The following RIC1 variants were observed in gnomAD, a reference collection of about 807,000 sequenced individuals.
RIC1 encodes the protein guanine nucleotide exchange factor subunit RIC1.
RIC1 carries 88 observed loss-of-function variants against 169.0 expected under a neutral mutation model. That is an observed-to-expected ratio of 0.52 (90% CI 0.44 to 0.62). RIC1 has a LOEUF of 0.62. Among genes scored for constraint, RIC1 ranks in the 20% least tolerant of loss-of-function variants. The pLI is 0.00. For missense variants in RIC1, 1,877 were observed against 1,725.5 expected (o/e 1.09, Z -1.56); for synonymous variants, 790 against 601.5 (o/e 1.31, Z -4.59).
chr9:5,670,881 T>A (rs1176202146), intron 2 of RIC1, among the ~76,000 whole-genome samples: 1 of 152,100 alleles, frequency 6.6e-6, no homozygotes, highest in African/African-American at 2.4e-5. Context: ...TGCTGCTGAT[T>A]GGTTAGGGAG....
At chr9:5,651,879 T>C (rs1818820811) in intron 1 of RIC1, among the ~76,000 whole-genome samples, 1 of 152,172 alleles carries the variant, frequency 6.6e-6, no homozygotes, top group Non-Finnish European at 1.5e-5. Context: ...CTTTAATCTA[T>C]TTTGAAATGA....
At chr9:5,760,041 T>C (rs1826235360) in intron 17 of RIC1, among the ~76,000 whole-genome samples, 1 of 152,172 alleles carries the variant, frequency 6.6e-6, no homozygotes, top group Non-Finnish European at 1.5e-5. Context: ...AAGTTAAAAT[T>C]GACTGATTAC....
intron 1 of RIC1, among the ~76,000 whole-genome samples, chr9:5,633,079 AT>A (rs1302516965): frequency 6.6e-6 from 1 of 152,230 alleles, no homozygotes; most frequent in Non-Finnish European, 1.5e-5. Flanking sequence ...TAGGTAGCTA[AT>A]AAAAAGCTGA....
intron 1 of RIC1, among the ~76,000 whole-genome samples, chr9:5,648,044 G>C (rs1158619449): frequency 1.3e-5 from 2 of 151,798 alleles, no homozygotes; most frequent in Non-Finnish European, 2.9e-5. Flanking sequence ...GTGCAATGGT[G>C]TGATCTCGGC....
intron 1 of RIC1, among the ~76,000 whole-genome samples, chr9:5,652,565 C>G (rs898047043): frequency 6.6e-6 from 1 of 152,066 alleles, no homozygotes; most frequent in African/African-American, 2.4e-5. Context: ...TATTCTACAA[C>G]TTTACTGAAT....
intron 7 of RIC1, among the ~76,000 whole-genome samples, chr9:5,733,154 T>C (rs1432307910): frequency 6.6e-6 from 1 of 151,700 alleles, no homozygotes; most frequent in Non-Finnish European, 1.5e-5. Flanking sequence ...AACTCTTTCT[T>C]AAATAAAAAA....
At chr9:5,716,601 T>A (rs539433174) in intron 4 of RIC1, among the ~76,000 whole-genome samples, 1 of 152,260 alleles carries the variant, frequency 6.6e-6, no homozygotes, top group Non-Finnish European at 1.5e-5. Context: ...CAACAGAGAC[T>A]GTGTCTCAAA....
At position 5,714,007 on chromosome 9, in the gene RIC1, C is replaced by A; in HGVS notation, c.440+4C>A. 1 of 1,591,928 alleles carries A rather than the reference C, an allele frequency of 6.3e-7. No homozygotes were observed. Among genetic ancestry groups the A allele is most frequent in the Non-Finnish European group, 8.6e-7 (1 of 1,162,004 alleles). ...ATTTACAAGCACCCATCATGAGGTACAGTACTTTGGTTAAATTTGACATTG... is the reference window on the plus strand; with the variant it reads ...ATTTACAAGCACCCATCATGAGGTAAAGTACTTTGGTTAAATTTGACATTG... On this transcript the variant is annotated splice_donor_region_variant and intron_variant, in intron 4 of 25. Coordinates refer to ENST00000414202, the MANE Select transcript of RIC1 (RefSeq NM_020829.4).
intron 8 of RIC1, among the ~76,000 whole-genome samples, chr9:5,741,837 C>G (rs1825100152): frequency 6.6e-6 from 1 of 152,130 alleles, no homozygotes; most frequent in Non-Finnish European, 1.5e-5. Context: ...GGATTTTTGA[C>G]TGAGAGCCGA....
At chr9:5,706,818 T>C (rs543543234) in intron 3 of RIC1, among the ~76,000 whole-genome samples, 2 of 152,292 alleles carry the variant, frequency 1.3e-5, no homozygotes, top group African/African-American at 2.4e-5. Flanking sequence ...TTCAGACTTA[T>C]AAAGTCTTCT....
intron 2 of RIC1, 37 bp from the exon 3 acceptor site, chr9:5,689,918 CCTTA>C: frequency 7.6e-7 from 1 of 1,324,012 alleles, no homozygotes; most frequent in East Asian, 2.4e-5. Flanking sequence ...ACAGTTATAG[CCTTA>C]CTCTTTAATT....
At chr9:5,655,559 C>G (rs937941238) in intron 1 of RIC1, among the ~76,000 whole-genome samples, 1 of 152,176 alleles carries the variant, frequency 6.6e-6, no homozygotes, top group Non-Finnish European at 1.5e-5. Flanking sequence ...CCTCAGCCTC[C>G]CAAAGTGCTG....
intron 2 of RIC1, among the ~76,000 whole-genome samples, chr9:5,673,978 C>G (rs1288449021): frequency 3.3e-5 from 5 of 152,126 alleles, no homozygotes; most frequent in Admixed American, 2.6e-4. Context: ...AGATAACCCT[C>G]TACTTAAGAA....
intron 3 of RIC1, among the ~76,000 whole-genome samples, chr9:5,704,416 T>G (rs1453383107): frequency 6.6e-6 from 1 of 151,998 alleles, no homozygotes; most frequent in African/African-American, 2.4e-5. Flanking sequence ...CTCACTACAT[T>G]GTTCAAGCTA....
At chr9:5,727,849 A>G (rs1182326349) in intron 6 of RIC1, among the ~76,000 whole-genome samples, 4 of 152,266 alleles carry the variant, frequency 2.6e-5, no homozygotes, top group African/African-American at 9.6e-5. Context: ...CGGAGGCTGC[A>G]GAACAGCACA....
intron 4 of RIC1, 59 bp from the exon 5 acceptor site, chr9:5,720,123 A>ATTCATACACATTGCTTTCCCAT: frequency 7.2e-7 from 1 of 1,389,804 alleles, no homozygotes; most frequent in African/African-American, 1.4e-5. Context: ...CAGTTTTAAT[A>ATTCATACACATTGCTTTCCCAT]TTCATACACA....
chr9:5,689,983 T>A lies in RIC1; in HGVS notation c.277T>A (p.Phe93Ile), dbSNP rs1438896010. The A allele has an allele frequency of 1.2e-6, 2 of 1,602,408 alleles. No homozygotes were observed. Among genetic ancestry groups the A allele is most frequent in the Non-Finnish European group, 1.7e-6 (2 of 1,175,854 alleles). ...VSTANGYILF[F>I]HITSTRGDKY... Reference sequence around the variant, plus strand: ...GACGGCAAATGGATACATCTTGTTTTTTCATATTACATCTACAAGAGGGGA... The same window carrying A: ...GACGGCAAATGGATACATCTTGTTTATTCATATTACATCTACAAGAGGGGA... The change falls in exon 3 of 26, where the codon TTT becomes ATT. Residue 93 changes from phenylalanine to isoleucine, a missense_variant. Coordinates refer to ENST00000414202, the MANE Select transcript of RIC1 (RefSeq NM_020829.4).
At chr9:5,653,722 C>G (rs756504349) in intron 1 of RIC1, among the ~76,000 whole-genome samples, 1 of 151,966 alleles carries the variant, frequency 6.6e-6, no homozygotes, top group Non-Finnish European at 1.5e-5. Flanking sequence ...CTCAGCCTCC[C>G]GAGTAGCTGT....
At chr9:5,684,130 A>G (rs1045354537) in intron 2 of RIC1, among the ~76,000 whole-genome samples, 3 of 152,004 alleles carry the variant, frequency 2.0e-5, no homozygotes, top group Admixed American at 1.3e-4. Context: ...CAGCTCACGC[A>G]CAGTGCGCTG....
Sources: allele counts gnomAD v4.1 joint callset (sites outside exome capture counted in the v4.1 genomes callset), GRCh38; gene constraint gnomAD v4.1.1; transcripts MANE v1.5; gene names NCBI Gene and HGNC (gene_info 2026-07-23, HGNC 2026-07-21).